Variants in CCDC68 observed in about 807,000 individuals in gnomAD.
CCDC68 encodes coiled-coil domain-containing protein 68.
CCDC68 carries 45 observed loss-of-function variants against 47.1 expected under a neutral mutation model. That is an observed-to-expected ratio of 0.96 (90% CI 0.75 to 1.23). The LOEUF is 1.23. CCDC68 is among the 50% of genes most tolerant of loss of function. The pLI, the probability that CCDC68 is intolerant of heterozygous loss-of-function variation, is 0.00. For missense variants in CCDC68, 353 were observed against 373.6 expected (o/e 0.94, Z 0.45); for synonymous variants, 131 against 129.5 (o/e 1.01, Z -0.08).
At chr18:54,937,898 A>T in intron 5 of CCDC68, 59 bp downstream of exon 5, 1 of 1,495,386 alleles carries the variant, frequency 6.7e-7, no homozygotes, top group Non-Finnish European at 9.1e-7. Flanking sequence ...GATGCTAACA[A>T]CCCATTCTAT....
At chr18:54,933,903 C>T (rs1447511455) in intron 7 of CCDC68, among the ~76,000 whole-genome samples, 1 of 152,100 alleles carries the variant, frequency 6.6e-6, no homozygotes, top group Non-Finnish European at 1.5e-5. Flanking sequence ...CATTTTTAAA[C>T]AAATCAAGTT....
intron 7 of CCDC68, among the ~76,000 whole-genome samples, chr18:54,933,464 A>G (rs2145525215): frequency 6.6e-6 from 1 of 152,326 alleles, no homozygotes; most frequent in African/African-American, 2.4e-5. Flanking sequence ...TGAGCTCTAG[A>G]CTAAACTTAA....
chr18:54,936,969 G>T lies in CCDC68; in HGVS notation c.346-11C>A, dbSNP rs755670401. On this transcript the variant is annotated splice_polypyrimidine_tract_variant and intron_variant, in intron 5 of 11. Coordinates refer to ENST00000591504, the MANE Select transcript of CCDC68 (RefSeq NM_025214.3). Reference sequence around the variant, plus strand: ...TCTGGAGGCTTGCAGCTAGAAAAAAGGTCACTATGCATGTTCTGACATTTA... The same window carrying T: ...TCTGGAGGCTTGCAGCTAGAAAAAATGTCACTATGCATGTTCTGACATTTA... 6.2e-7 allele frequency: 1 copy of T among 1,613,866 alleles called. No homozygotes were observed. The highest frequency in any genetic ancestry group is 1.7e-5 in the Admixed American group (1 of 59,988).
chr18:54,904,261 A>G lies in CCDC68; in HGVS notation c.*97T>C, dbSNP rs1451799378. The stretch of plus-strand genomic sequence containing the variant: ...GTATGTAATAAGTTCCATTTAAATA[A>G]TGGCATTTTGCCATTTTAACATGAA... On this transcript the variant is annotated 3_prime_UTR_variant, in exon 12 of 12. Transcript: ENST00000591504. 4.3e-6 allele frequency: 4 copies of G among 920,394 alleles called. No individual in the cohort carries two copies. The Admixed American group carries it at 6.0e-5, about 14-fold the overall frequency. The allele number at this position is 920,394 out of a possible 1,614,324, so 57.0% of individuals were successfully genotyped here.
intron 1 of CCDC68, among the ~76,000 whole-genome samples, chr18:54,957,049 T>A (rs997504320): frequency 6.6e-6 from 1 of 152,220 alleles, no homozygotes; most frequent in Non-Finnish European, 1.5e-5. Context: ...TATAATTTAA[T>A]GGATAGATGT....
In CCDC68 at chr18:54,957,117, A is replaced by G. The variant is rs543745079; in HGVS notation, c.-103+2219T>C. 2.6e-5 allele frequency among the ~76,000 whole-genome samples: 4 copies of G among 152,288 alleles called. No homozygotes were observed. The South Asian group carries it at 8.3e-4, about 32-fold the overall frequency. On this transcript the variant is annotated intron_variant, in intron 1 of 11. Coordinates refer to ENST00000591504, the MANE Select transcript of CCDC68 (RefSeq NM_025214.3). ...TTGTCTCTAGATTATTGTCATCCAT[A>G]CTACAAGTTTAGTTTTTATTTAATT...
chr18:54,953,507 TACATAC>T (rs1468615792), intron 1 of CCDC68, among the ~76,000 whole-genome samples: 1 of 35,206 alleles, frequency 2.8e-5, no homozygotes, highest in African/African-American at 9.7e-5. Context: ...ATTATATATA[TACATAC>T]ACACACACAC....
At chr18:54,935,664 G>A (rs770492269) in intron 6 of CCDC68, among the ~76,000 whole-genome samples, 8 of 152,000 alleles carry the variant, frequency 5.3e-5, no homozygotes, top group Non-Finnish European at 1.2e-4. Flanking sequence ...TCCGCTTCCC[G>A]CTTATGTTCT....
At chr18:54,947,421 A>G (rs911501820) in intron 1 of CCDC68, among the ~76,000 whole-genome samples, 33 of 152,282 alleles carry the variant, frequency 2.2e-4, no homozygotes, top group African/African-American at 7.0e-4. Flanking sequence ...TTTTTCCATG[A>G]GGCTTTCTGT....
At chr18:54,916,951 T>C (rs2043963275) in intron 10 of CCDC68, among the ~76,000 whole-genome samples, 1 of 152,228 alleles carries the variant, frequency 6.6e-6, no homozygotes, top group African/African-American at 2.4e-5. Context: ...ACACTTCTCT[T>C]GCCTGCTGCT....
At chr18:54,946,787 A>G (rs2044535387) in intron 1 of CCDC68, among the ~76,000 whole-genome samples, 1 of 152,034 alleles carries the variant, frequency 6.6e-6, no homozygotes, top group Non-Finnish European at 1.5e-5. Context: ...CTTCACTTAC[A>G]TAGCTGTCAG....
chr18:54,942,668 C>G lies in CCDC68; in HGVS notation c.117+7G>C, dbSNP rs368560822. 1 of 1,487,112 alleles carries G rather than the reference C, an allele frequency of 6.7e-7. No homozygotes were observed. Among genetic ancestry groups the G allele is most frequent in the South Asian group, 1.2e-5 (1 of 85,794 alleles). 92.1% of individuals were successfully genotyped at this position (1,487,112 alleles called of 1,614,324 possible). On this transcript the variant is annotated splice_region_variant and intron_variant, in intron 3 of 11. Transcript: ENST00000591504. Reference sequence around the variant, plus strand: ...TATCATACTAATGATTTCTGCTACCCACATACCTTTTTCACATACTCGGTT... The same window carrying G: ...TATCATACTAATGATTTCTGCTACCGACATACCTTTTTCACATACTCGGTT...
chr18:54,907,989 T>C (rs1004011794), intron 10 of CCDC68, 127 bp from the exon 11 acceptor site: 14 of 625,904 alleles, frequency 2.2e-5, no homozygotes, highest in Non-Finnish European at 2.9e-5. Context: ...AGTTATGCTA[T>C]AGAACACAGA....
In CCDC68 at chr18:54,904,159, G is replaced by T. The variant is rs747588802; in HGVS notation, c.*199C>A. 114 of 402,106 alleles carry T rather than the reference G, an allele frequency of 2.8e-4. No homozygotes were observed. The highest frequency in any genetic ancestry group is 4.3e-4 in the Non-Finnish European group (97 of 223,248). 24.9% of individuals were successfully genotyped at this position (402,106 alleles called of 1,614,324 possible). ...GGCACCTGGTTTCTTCAACTATTTGGTAAGTTTTGAAGAGTCCATCCATTA... is the reference window on the plus strand; with the variant it reads ...GGCACCTGGTTTCTTCAACTATTTGTTAAGTTTTGAAGAGTCCATCCATTA... On this transcript the variant is annotated 3_prime_UTR_variant, in exon 12 of 12. Coordinates refer to ENST00000591504, the MANE Select transcript of CCDC68 (RefSeq NM_025214.3).
In CCDC68 at chr18:54,950,788, GTA is replaced by G. The variant is rs759466735; in HGVS notation, c.-102-5313_-102-5312del. Among the ~76,000 whole-genome samples, 52 of 97,170 alleles carry G rather than the reference GTA, an allele frequency of 5.4e-4. 2 individuals are homozygous for G. The highest frequency in any genetic ancestry group is 2.3e-3 in the South Asian group (6 of 2,650). 63.7% of individuals were successfully genotyped at this position (97,170 alleles called of 152,430 possible). The stretch of plus-strand genomic sequence containing the variant: ...CTGTGTTATTGTTATTATCTTCAGT[GTA>G]TATATATATATATGATGCAATAAGG... On this transcript the variant is annotated intron_variant, in intron 1 of 11. Transcript: ENST00000591504.
At position 54,945,483 on chromosome 18, in the gene CCDC68, G is replaced by C. The variant is rs879509903; in HGVS notation, c.-102-6C>G. 1 of 151,998 alleles carries C rather than the reference G, an allele frequency of 6.6e-6. No homozygotes were observed. The highest frequency in any genetic ancestry group is 1.5e-5 in the Non-Finnish European group (1 of 68,006). The allele number at this position is 151,998 out of a possible 1,614,324, so 9.4% of individuals were successfully genotyped here. On this transcript the variant is annotated splice_polypyrimidine_tract_variant and splice_region_variant and intron_variant, in intron 1 of 11. Transcript: ENST00000591504. ...TCATATTAAGACTGGCTTCCCTGGA[G>C]AGAAACAATAACAACAACAAAATAT... is the stretch of plus-strand genomic sequence containing the variant.
At chr18:54,957,625 ACACTCTCT>A (rs1401237540) in intron 1 of CCDC68, among the ~76,000 whole-genome samples, 11 of 133,562 alleles carry the variant, frequency 8.2e-5, no homozygotes, top group African/African-American at 2.0e-4. Flanking sequence ...ACACACACAC[ACACTCTCT>A]CTCTCTCTCT....
At chr18:54,920,102 G>A (rs1289618759) in intron 8 of CCDC68, among the ~76,000 whole-genome samples, 1 of 152,118 alleles carries the variant, frequency 6.6e-6, no homozygotes, top group Non-Finnish European at 1.5e-5. Context: ...TTCTCTTCTT[G>A]CTACTGTTAT....
rs149916385 is a variant in CCDC68 at position 54,946,981 on chromosome 18, G to A, written c.-102-1504C>T. ...TATCTGGTTGCAAAGCTTTATAACT[G>A]TATCCATATGAAATTAAATTCCATT... On this transcript the variant is annotated intron_variant, in intron 1 of 11. Coordinates refer to ENST00000591504, the MANE Select transcript of CCDC68 (RefSeq NM_025214.3). 3.9e-5 allele frequency among the ~76,000 whole-genome samples: 6 copies of A among 152,276 alleles called. No individual in the cohort carries two copies. The East Asian group carries it at 1.2e-3, about 29-fold the overall frequency.
Sources: allele counts gnomAD v4.1 joint callset (sites outside exome capture counted in the v4.1 genomes callset), GRCh38; gene constraint gnomAD v4.1.1; transcripts MANE v1.5; gene names NCBI Gene and HGNC (gene_info 2026-07-23, HGNC 2026-07-21).